EPB42: variants seen among roughly 807,000 people sequenced by gnomAD.
The protein encoded by EPB42 is protein 4.2.
A neutral mutation model predicts 76.9 loss-of-function variants in EPB42; 49 were observed. The ratio of observed to expected loss-of-function variants is 0.64; its 90% CI spans 0.51 to 0.81. EPB42 has a LOEUF of 0.81. Ranked by LOEUF, EPB42 falls within the 30% of genes least tolerant of loss-of-function variation. The pLI, the probability that EPB42 is intolerant of heterozygous loss-of-function variation, is 0.00. For synonymous variants in EPB42, 310 were observed against 338.4 expected, an observed-to-expected ratio of 0.92 and a Z score of 0.92; for missense variants, 731 against 867.6, an observed-to-expected ratio of 0.84 and a Z score of 1.98.
intron 10 of EPB42, among the ~76,000 whole-genome samples, chr15:43,205,456 G>A (rs2042188581): frequency 1.3e-5 from 2 of 152,160 alleles, no homozygotes; most frequent in African/African-American, 4.8e-5. Context: ...CTGGAGTGCA[G>A]TGGCATGATC....
At position 43,209,338 on chromosome 15, in the gene EPB42, G is replaced by A. The variant is rs536161325; in HGVS notation, c.768C>T (p.Leu256=). The part of the protein sequence containing the change: ...RGSVPILRQW[L]TGRGRPVYDG... Reference sequence around the variant, plus strand: ...CATACACAGGTCGGCCTCGGCCGGTGAGCCACTGCCGCAGGATGGGCACGC... The same window carrying A: ...CATACACAGGTCGGCCTCGGCCGGTAAGCCACTGCCGCAGGATGGGCACGC... The change falls in exon 6 of 13, where the codon CTC becomes CTT. Residue 256 remains leucine, a synonymous_variant. Coordinates refer to ENST00000441366, the MANE Select transcript of EPB42 (RefSeq NM_001114134.2). 43 of 1,613,988 alleles carry A rather than the reference G, an allele frequency of 2.7e-5. No individual in the cohort carries two copies. Among genetic ancestry groups the A allele is most frequent in the Admixed American group, 1.2e-4 (7 of 60,004 alleles).
rs888065137 is a variant in EPB42, at chr15:43,216,452, G to A, written c.12C>T (p.Ala4=). The A allele has an allele frequency of 4.3e-6, 7 of 1,614,042 alleles. No homozygotes were observed. Among genetic ancestry groups the A allele is most frequent in the Middle Eastern group, 1.7e-4 (1 of 6,058 alleles). Residue 4 remains alanine (A), a splice_region_variant and synonymous_variant, in exon 2 of 13, where the codon GCC becomes GCT. Coordinates refer to ENST00000441366, the MANE Select transcript of EPB42 (RefSeq NM_001114134.2). MGQ[A]LGIKSCDFQA... ...GAAAGTCACAGCTCTTGATACCCAG[G>A]GCTGTTGTGGGAAAGAGAGAAGTCA...
intron 2 of EPB42, 95 bp from the exon 3 acceptor site, chr15:43,215,423 T>C: frequency 7.1e-7 from 1 of 1,403,104 alleles, no homozygotes; most frequent in Admixed American, 1.7e-5. Flanking sequence ...GCAGGTGAAA[T>C]TTGTTTTTGG....
chr15:43,197,239 G>T lies in EPB42; in HGVS notation c.*63C>A. ...CTGAGACGCAAAGTTTCTCTTCCTA[G>T]CACATGTTTGGTTTAGATTGTAGAA... is the stretch of plus-strand genomic sequence containing the variant. On this transcript the variant is annotated 3_prime_UTR_variant, in exon 13 of 13. Transcript: ENST00000441366. 6.2e-7 allele frequency: 1 copy of T among 1,605,114 alleles called. No individual in the cohort carries two copies. The highest frequency in any genetic ancestry group is 8.5e-7 in the Non-Finnish European group (1 of 1,172,598).
chr15:43,197,400 C>T lies in EPB42; in HGVS notation c.1978G>A (p.Gly660Arg). ...AKFQFTPTHVGLQRLTVEVDC... is the reference protein window; with the variant it reads ...AKFQFTPTHVRLQRLTVEVDC... ...ACTTCCACAGTGAGTCTCTGGAGCC[C>T]CACATGTGTTGGCGTGAACTGGAAC... The change falls in exon 13 of 13, where the codon GGG (glycine) becomes AGG (arginine). Residue 660 changes from glycine to arginine, a missense_variant. Gly to Arg is a moderately radical substitution (Grantham distance 125). Transcript: ENST00000441366. The T allele has an allele frequency of 6.2e-7, 1 of 1,614,106 alleles. No homozygotes were observed. Among genetic ancestry groups the T allele is most frequent in the Non-Finnish European group, 8.5e-7 (1 of 1,180,024 alleles).
chr15:43,201,950 G>A lies in EPB42; in HGVS notation c.1807C>T (p.Pro603Ser). Residue 603 changes from proline (P) to serine (S), a missense_variant, in exon 12 of 13, where the codon CCC becomes TCC. Physicochemically the swap from Pro to Ser is moderately conservative, Grantham distance 74. Transcript: ENST00000441366. The part of the protein sequence containing the change: ...KMPEKAEQYQ[P>S]LTASVSLQNS... ...TGGAGGCTGACTGAGGCTGTGAGGG[G>A]TTGATACTGCTCTGCTTTCTCTGGC... The A allele has an allele frequency of 1.2e-6, 2 of 1,614,140 alleles. No homozygotes were observed. The highest frequency in any genetic ancestry group is 1.7e-6 in the Non-Finnish European group (2 of 1,180,008).
At chr15:43,209,711 C>A (rs759459289) in intron 5 of EPB42, 7 of 457,740 alleles carry the variant, frequency 1.5e-5, no homozygotes, top group African/African-American at 3.9e-5. Context: ...TTAGAGCTGC[C>A]CTTCCTTGGG....
intron 12 of EPB42, among the ~76,000 whole-genome samples, chr15:43,200,399 C>T (rs2042107743): frequency 1.3e-5 from 2 of 152,066 alleles, no homozygotes; most frequent in African/African-American, 4.8e-5. Context: ...ATGCAGTAGA[C>T]ATAATGAAAG....
At chr15:43,218,028 C>A (rs1472760859) in intron 1 of EPB42, among the ~76,000 whole-genome samples, 1 of 152,110 alleles carries the variant, frequency 6.6e-6, no homozygotes, top group Non-Finnish European at 1.5e-5. Flanking sequence ...TCCCTGGGTG[C>A]CCCTTGCATC....
intron 10 of EPB42, among the ~76,000 whole-genome samples, chr15:43,205,645 C>T (rs2042191873): frequency 6.6e-6 from 1 of 152,124 alleles, no homozygotes; most frequent in South Asian, 2.1e-4. Context: ...GGTGATCTGT[C>T]CACTTTGGCC....
intron 12 of EPB42, among the ~76,000 whole-genome samples, chr15:43,198,258 T>G (rs937856207): frequency 6.6e-6 from 1 of 152,174 alleles, no homozygotes; most frequent in Non-Finnish European, 1.5e-5. Flanking sequence ...TGGGAAAGCT[T>G]GGAACTTCCT....
intron 12 of EPB42, among the ~76,000 whole-genome samples, chr15:43,201,564 A>G (rs1473270538): frequency 1.3e-5 from 2 of 152,228 alleles, no homozygotes; most frequent in Non-Finnish European, 2.9e-5. Context: ...GCCCTCGCCT[A>G]TATTCACAGC....
upstream of EPB42, among the ~76,000 whole-genome samples, chr15:43,222,797 G>A (rs772325221): frequency 2.0e-5 from 3 of 152,192 alleles, no homozygotes; most frequent in Non-Finnish European, 4.4e-5. Flanking sequence ...CAACTAGCTT[G>A]TCAAAATACA....
rs2042154438 is a variant in EPB42, at chr15:43,203,280, AAC to A, written c.1619-7_1619-6del. ...GGCCGATGGTTATTATCTTTTCTGA[AAC>A]ACATGACAGGTGGAGTCAGTGGCAA... On this transcript the variant is annotated splice_region_variant and splice_polypyrimidine_tract_variant and intron_variant, in intron 10 of 12. Transcript: ENST00000441366. 5 of 1,614,046 alleles carry A rather than the reference AAC, an allele frequency of 3.1e-6. No homozygotes were observed. The African/African-American group carries it at 6.7e-5, about 22-fold the overall frequency.
intron 1 of EPB42, among the ~76,000 whole-genome samples, chr15:43,219,339 ATTT>A (rs2042424508): frequency 6.6e-6 from 1 of 152,178 alleles, no homozygotes; most frequent in Non-Finnish European, 1.5e-5. Flanking sequence ...TTTAATATAA[ATTT>A]TTTACTTGTA....
chr15:43,210,031 C>A (rs1489182109), intron 5 of EPB42, among the ~76,000 whole-genome samples: 2 of 152,206 alleles, frequency 1.3e-5, no homozygotes, highest in Admixed American at 1.3e-4. Flanking sequence ...ATGGGCCCTA[C>A]CCACTCCTTC....
chr15:43,209,572 G>A, intron 5 of EPB42, 121 bp from the exon 6 acceptor site: 2 of 1,129,066 alleles, frequency 1.8e-6, no homozygotes, highest in South Asian at 3.0e-5. Context: ...CAGCATTAGA[G>A]CCACCTGGTA....
chr15:43,207,180 G>A lies in EPB42; in HGVS notation c.1318+19C>T. The A allele has an allele frequency of 6.2e-7, 1 of 1,613,902 alleles. No individual in the cohort carries two copies. The highest frequency in any genetic ancestry group is 8.5e-7 in the Non-Finnish European group (1 of 1,180,016). ...CGTTTCAGGTACCGAGAAGCCTGGGGCCCTTCCCTGGCCCGTACCTTCAGG... is the reference window on the plus strand; with the variant it reads ...CGTTTCAGGTACCGAGAAGCCTGGGACCCTTCCCTGGCCCGTACCTTCAGG... On this transcript the variant is annotated intron_variant, in intron 9 of 12. Transcript: ENST00000441366.
Position 43,207,295 on chromosome 15 carries a change from C to A in EPB42, c.1222G>T (p.Asp408Tyr). 1 of 1,614,164 alleles carries A rather than the reference C, an allele frequency of 6.2e-7. No individual in the cohort carries two copies. The highest frequency in any genetic ancestry group is 1.1e-5 in the South Asian group (1 of 91,074). The change falls in exon 9 of 13, where the codon GAC becomes TAC. Residue 408 changes from aspartate to tyrosine, a missense_variant. Physicochemically the swap from Asp to Tyr is radical, Grantham distance 160. Coordinates refer to ENST00000441366, the MANE Select transcript of EPB42 (RefSeq NM_001114134.2). ...CCEDGTLELT[D>Y]SNTKYVGNNI... ...TTGCCAACATACTTTGTGTTGGAGT[C>A]AGTCAACTCCAGTGTCCCATCCTCA...
Sources: allele counts gnomAD v4.1 joint callset (sites outside exome capture counted in the v4.1 genomes callset), GRCh38; gene constraint gnomAD v4.1.1; transcripts MANE v1.5; gene names NCBI Gene and HGNC (gene_info 2026-07-23, HGNC 2026-07-21).